NBAS: variants seen among roughly 807,000 people sequenced by gnomAD.
NBAS encodes NBAS subunit of NRZ tethering complex.
Under a neutral mutation model 302.5 loss-of-function variants are expected in NBAS, and 219 were observed. The ratio of observed to expected loss-of-function variants is 0.72; its 90% confidence interval spans 0.65 to 0.81. The LOEUF (loss-of-function observed/expected upper bound fraction) is 0.81, where lower values mean the gene tolerates loss of function less well. Ranked by LOEUF, NBAS falls within the 30% of genes least tolerant of loss-of-function variation. The pLI is 0.00. For missense variants in NBAS, 2,932 were observed against 2,841.6 expected (o/e 1.03, Z -0.72); for synonymous variants, 1,118 against 1,021.6 (o/e 1.09, Z -1.80).
At chr2:14,975,678 C>T in the NBAS span, among the ~76,000 whole-genome samples, 3 of 152,170 alleles carry the variant, frequency 2.0e-5, no homozygotes, top group Non-Finnish European at 4.4e-5. Context: ...GCCAGCTCTA[C>T]CAGCTTCCTG....
At chr2:15,238,803 A>G (rs1667727314) in intron 44 of NBAS, 117 bp from the exon 45 acceptor site, 1 of 866,156 alleles carries the variant, frequency 1.2e-6, no homozygotes, top group African/African-American at 1.7e-5. Flanking sequence ...TTTAACCAAT[A>G]AATAGCACTT....
chr2:15,460,959 C>T (rs1039128702), intron 21 of NBAS, among the ~76,000 whole-genome samples: 46 of 152,100 alleles, frequency 3.0e-4, no homozygotes, highest in African/African-American at 1.1e-3. Context: ...ACTGAATACA[C>T]AGAAGTAAAA....
chr2:15,289,223 G>A (rs757699177), intron 41 of NBAS, among the ~76,000 whole-genome samples: 1 of 151,978 alleles, frequency 6.6e-6, no homozygotes, highest in African/African-American at 2.4e-5. Flanking sequence ...AGAGTAGCTG[G>A]GACTTCAGGA....
At chr2:15,213,407 T>C (rs1318264561) in intron 48 of NBAS, among the ~76,000 whole-genome samples, 1 of 152,246 alleles carries the variant, frequency 6.6e-6, no homozygotes, top group Non-Finnish European at 1.5e-5. Flanking sequence ...ATGTAAAAGA[T>C]GAAGCAATGT....
chr2:15,519,717 T>C (rs1425245581), intron 9 of NBAS, among the ~76,000 whole-genome samples: 1 of 152,182 alleles, frequency 6.6e-6, no homozygotes, highest in Non-Finnish European at 1.5e-5. Context: ...AGTGCTGGGA[T>C]TACAGGCATG....
intron 21 of NBAS, among the ~76,000 whole-genome samples, chr2:15,456,838 G>T (rs1311026113): frequency 6.6e-6 from 1 of 152,144 alleles, no homozygotes; most frequent in Non-Finnish European, 1.5e-5. Flanking sequence ...AAATAGGAAG[G>T]CCAAGGAAGA....
chr2:15,258,954 T>A (rs1668729075), intron 44 of NBAS, among the ~76,000 whole-genome samples: 1 of 152,202 alleles, frequency 6.6e-6, no homozygotes, highest in Non-Finnish European at 1.5e-5. Context: ...ATATGTGATG[T>A]CACCCCTAGC....
chr2:15,097,879 G>A, the NBAS span, among the ~76,000 whole-genome samples: 1 of 131,266 alleles, frequency 7.6e-6, no homozygotes, highest in East Asian at 2.1e-4. Flanking sequence ...CATGGTAAGT[G>A]TCCATTAAAT....
the NBAS span, among the ~76,000 whole-genome samples, chr2:15,014,807 T>C: frequency 2.0e-5 from 3 of 151,584 alleles, no homozygotes; most frequent in Admixed American, 6.6e-5. Context: ...CAGAAATAAA[T>C]AAAATTGAGA....
At chr2:14,893,440 C>A in the NBAS span, among the ~76,000 whole-genome samples, 5 of 151,810 alleles carry the variant, frequency 3.3e-5, no homozygotes, top group South Asian at 2.1e-4. Flanking sequence ...AGATGGATTT[C>A]TTTCTTTTTG....
chr2:15,365,669 C>G (rs1674163096), intron 32 of NBAS, among the ~76,000 whole-genome samples: 2 of 152,134 alleles, frequency 1.3e-5, no homozygotes, highest in South Asian at 4.1e-4. Context: ...TGATGCTATA[C>G]CTTCACACAG....
At chr2:14,884,217 C>T in the NBAS span, among the ~76,000 whole-genome samples, 1 of 152,142 alleles carries the variant, frequency 6.6e-6, no homozygotes, top group South Asian at 2.1e-4. Flanking sequence ...GAGAGTTGGG[C>T]TTGTAAGCAT....
intron 21 of NBAS, among the ~76,000 whole-genome samples, chr2:15,429,887 T>C (rs1388950882): frequency 6.6e-6 from 1 of 152,180 alleles, no homozygotes; most frequent in Non-Finnish European, 1.5e-5. Context: ...TCCATGTCAA[T>C]AACTAATATT....
intron 9 of NBAS, among the ~76,000 whole-genome samples, chr2:15,515,033 T>A (rs1662321390): frequency 6.6e-6 from 1 of 152,194 alleles, no homozygotes; most frequent in Non-Finnish European, 1.5e-5. Flanking sequence ...AGGACACTGA[T>A]GCTCCAGCTC....
intron 25 of NBAS, among the ~76,000 whole-genome samples, chr2:15,414,713 G>C (rs994405876): frequency 3.3e-5 from 5 of 152,188 alleles, no homozygotes; most frequent in African/African-American, 1.2e-4. Context: ...AGGAGGCCGA[G>C]GCAGGCGGAT....
chr2:15,478,129 C>T, intron 13 of NBAS, 97 bp downstream of exon 13: 1 of 881,664 alleles, frequency 1.1e-6, no homozygotes, highest in South Asian at 1.5e-5. Flanking sequence ...CAAAGTGCAG[C>T]AAAAGTATCT....
chr2:14,784,422 G>A, the NBAS span, among the ~76,000 whole-genome samples: 1 of 152,154 alleles, frequency 6.6e-6, no homozygotes, highest in African/African-American at 2.4e-5. Context: ...TAATGCCTAG[G>A]TTTTCTTCTA....
At chr2:15,091,036 A>G in the NBAS span, among the ~76,000 whole-genome samples, 27 of 152,306 alleles carry the variant, frequency 1.8e-4, no homozygotes, top group African/African-American at 6.5e-4. Context: ...GACAAACTAT[A>G]ATAAAGCCAA....
chr2:14,787,225 G>T, the NBAS span, among the ~76,000 whole-genome samples: 1 of 152,138 alleles, frequency 6.6e-6, no homozygotes, highest in Non-Finnish European at 1.5e-5. Context: ...CTCTGCACAT[G>T]AGATGGGTTT....
Sources: allele counts gnomAD v4.1 joint callset (sites outside exome capture counted in the v4.1 genomes callset), GRCh38; gene constraint gnomAD v4.1.1; transcripts MANE v1.5; gene names NCBI Gene and HGNC (gene_info 2026-07-23, HGNC 2026-07-21).